SGCZ: variants seen among roughly 807,000 people sequenced by gnomAD.
The protein encoded by SGCZ is sarcoglycan zeta.
Under a neutral mutation model 41.3 loss-of-function variants are expected in SGCZ, and 40 were observed. The observed-to-expected ratio is 0.97, with a 90% CI of 0.75 to 1.26. The LOEUF (loss-of-function observed/expected upper bound fraction) is 1.26, where lower values mean the gene tolerates loss of function less well. Among genes scored for constraint, SGCZ ranks in the 50% most tolerant of loss-of-function variants. The pLI is 0.00. For missense variants in SGCZ, 552 were observed against 369.8 expected, an observed-to-expected ratio of 1.49 and a Z score of -4.04; for synonymous variants, 206 against 137.5, an observed-to-expected ratio of 1.50 and a Z score of -3.49.
At chr8:14,753,508 C>G (rs2130326368) in intron 1 of SGCZ, among the ~76,000 whole-genome samples, 1 of 152,278 alleles carries the variant, frequency 6.6e-6, no homozygotes, top group Non-Finnish European at 1.5e-5. Context: ...ACATTGCTGG[C>G]ATTTTCTCAC....
chr8:15,103,350 G>C (rs1806689791), intron 1 of SGCZ, among the ~76,000 whole-genome samples: 1 of 152,028 alleles, frequency 6.6e-6, no homozygotes, highest in Admixed American at 6.6e-5. Flanking sequence ...GCAGTGAGCA[G>C]AGATGGCGCC....
chr8:14,284,998 T>A (rs1181624281), intron 3 of SGCZ, among the ~76,000 whole-genome samples: 1 of 152,168 alleles, frequency 6.6e-6, no homozygotes, highest in Non-Finnish European at 1.5e-5. Context: ...CCAGATGATA[T>A]CTTCCATCAA....
chr8:14,613,778 A>C (rs1309908511), intron 1 of SGCZ, among the ~76,000 whole-genome samples: 1 of 152,144 alleles, frequency 6.6e-6, no homozygotes, highest in Non-Finnish European at 1.5e-5. Flanking sequence ...AGGATTAAAC[A>C]GGGGTTTAAT....
intron 2 of SGCZ, among the ~76,000 whole-genome samples, chr8:14,359,631 G>A (rs564015042): frequency 1.3e-5 from 2 of 151,958 alleles, no homozygotes; most frequent in African/African-American, 4.8e-5. Context: ...TGAGATTAAG[G>A]CTGTAAGTCT....
intron 1 of SGCZ, among the ~76,000 whole-genome samples, chr8:15,003,940 C>T (rs933676297): frequency 6.6e-6 from 1 of 152,124 alleles, no homozygotes; most frequent in African/African-American, 2.4e-5. Flanking sequence ...CTCATGCTCC[C>T]ACAACTACCC....
At chr8:14,434,689 G>C (rs1430758963) in intron 2 of SGCZ, among the ~76,000 whole-genome samples, 2 of 152,088 alleles carry the variant, frequency 1.3e-5, no homozygotes, top group Non-Finnish European at 2.9e-5. Context: ...TTACCTCCTT[G>C]GCTAGGTATA....
chr8:14,610,242 G>T (rs1805883611), intron 1 of SGCZ, among the ~76,000 whole-genome samples: 1 of 152,146 alleles, frequency 6.6e-6, no homozygotes, highest in African/African-American at 2.4e-5. Context: ...TTGAGAAACA[G>T]TAGATGTAAG....
intron 3 of SGCZ, among the ~76,000 whole-genome samples, chr8:14,240,331 A>G (rs1291575725): frequency 5.5e-3 from 47 of 8,562 alleles, no homozygotes; most frequent in Middle Eastern, 0.036. Context: ...CTGTGTCAAA[A>G]AAAAAAAAAA....
chr8:14,267,616 G>C (rs562550219), intron 3 of SGCZ, among the ~76,000 whole-genome samples: 1 of 151,916 alleles, frequency 6.6e-6, no homozygotes, highest in Non-Finnish European at 1.5e-5. Context: ...TATTTTTGTT[G>C]TCACTGTTTT....
intron 1 of SGCZ, among the ~76,000 whole-genome samples, chr8:15,088,453 CAGTA>C (rs1318275154): frequency 5.3e-5 from 8 of 152,148 alleles, no homozygotes; most frequent in South Asian, 4.1e-4. Context: ...TGTTTCTCTA[CAGTA>C]AATAATTTTG....
At chr8:15,104,643 T>C (rs1443161759) in intron 1 of SGCZ, among the ~76,000 whole-genome samples, 1 of 152,256 alleles carries the variant, frequency 6.6e-6, no homozygotes, top group Non-Finnish European at 1.5e-5. Context: ...ATCAATATAT[T>C]AATTTTTACC....
chr8:14,466,732 T>G (rs1280430799), intron 2 of SGCZ, among the ~76,000 whole-genome samples: 1 of 151,958 alleles, frequency 6.6e-6, no homozygotes, highest in Non-Finnish European at 1.5e-5. Flanking sequence ...TGCTCAAGTC[T>G]GCTTTTAAAA....
intron 1 of SGCZ, among the ~76,000 whole-genome samples, chr8:14,782,123 T>C (rs1800609012): frequency 1.3e-5 from 2 of 152,302 alleles, no homozygotes; most frequent in Admixed American, 1.3e-4. Flanking sequence ...CCAATTTCCT[T>C]GTCTATAAAA....
At chr8:14,333,085 T>C (rs1802394380) in intron 2 of SGCZ, among the ~76,000 whole-genome samples, 1 of 152,116 alleles carries the variant, frequency 6.6e-6, no homozygotes, top group Non-Finnish European at 1.5e-5. Flanking sequence ...TTGGAATCAC[T>C]GTCAGCAAAA....
intron 2 of SGCZ, among the ~76,000 whole-genome samples, chr8:14,512,047 G>T (rs1354666780): frequency 6.6e-6 from 1 of 152,104 alleles, no homozygotes; most frequent in Non-Finnish European, 1.5e-5. Flanking sequence ...AAATTTTCTA[G>T]ACTATCAAAT....
intron 2 of SGCZ, among the ~76,000 whole-genome samples, chr8:14,550,136 A>G (rs1803756728): frequency 6.6e-6 from 1 of 152,050 alleles, no homozygotes; most frequent in Non-Finnish European, 1.5e-5. Context: ...CAAATTAAAC[A>G]ACAGAAATAT....
intron 4 of SGCZ, among the ~76,000 whole-genome samples, chr8:14,180,303 A>T (rs184757438): frequency 6.6e-6 from 1 of 152,310 alleles, no homozygotes; most frequent in East Asian, 1.9e-4. Flanking sequence ...ATAACAAAGG[A>T]GTGTCCTGAT....
chr8:14,847,615 T>C (rs1803176722), intron 1 of SGCZ, among the ~76,000 whole-genome samples: 1 of 140,758 alleles, frequency 7.1e-6, no homozygotes, highest in Admixed American at 7.5e-5. Context: ...AGAAAGGAAA[T>C]AACTTTATAA....
At chr8:14,309,050 C>T in intron 3 of SGCZ, 2 of 1,360,772 alleles carry the variant, frequency 1.5e-6, no homozygotes, top group South Asian at 1.3e-5. Flanking sequence ...CTCCCCTACT[C>T]TTAATTCCCC....
Sources: gnomAD v4.1 joint callset for allele counts (sites outside exome capture counted in the v4.1 genomes callset) on GRCh38, gnomAD v4.1.1 for gene constraint, MANE v1.5 for transcripts, NCBI Gene and HGNC (gene_info 2026-07-23, HGNC 2026-07-21) for gene names.